The following ISY1 variants were observed in gnomAD, a reference collection of about 807,000 sequenced individuals.
ISY1 encodes the protein pre-mRNA-splicing factor ISY1 homolog.
A neutral mutation model predicts 54.4 loss-of-function variants in ISY1; 12 were observed. The ratio of observed to expected loss-of-function variants is 0.22; its 90% confidence interval spans 0.14 to 0.36. The LOEUF (loss-of-function observed/expected upper bound fraction) is 0.36. Ranked by LOEUF, ISY1 falls within the 10% of genes least tolerant of loss-of-function variation. ISY1 has a pLI of 1.00. For missense variants in ISY1, 282 were observed against 342.2 expected, an observed-to-expected ratio of 0.82 and a Z score of 1.39; for synonymous variants, 96 against 117.9, an observed-to-expected ratio of 0.81 and a Z score of 1.20.
At chr3:129,141,206 T>A (rs1936598894) in intron 6 of ISY1, among the ~76,000 whole-genome samples, 1 of 146,344 alleles carries the variant, frequency 6.8e-6, no homozygotes, top group Non-Finnish European at 1.5e-5. Flanking sequence ...AATAAATAAA[T>A]AAATAAATAA....
At chr3:129,133,258 T>C (rs1052842623) in intron 9 of ISY1, among the ~76,000 whole-genome samples, 2 of 152,226 alleles carry the variant, frequency 1.3e-5, no homozygotes, top group African/African-American at 4.8e-5. Flanking sequence ...ATAACTAAGA[T>C]ATATAATGAG....
chr3:129,152,359 A>C (rs1464823316), intron 5 of ISY1, among the ~76,000 whole-genome samples: 1 of 152,192 alleles, frequency 6.6e-6, no homozygotes, highest in Non-Finnish European at 1.5e-5. Context: ...TTTCCAGAAT[A>C]AATCCTCCTT....
intron 6 of ISY1, among the ~76,000 whole-genome samples, chr3:129,142,753 T>C (rs1343953645): frequency 6.6e-6 from 1 of 151,542 alleles, no homozygotes; most frequent in Non-Finnish European, 1.5e-5. Flanking sequence ...CTACAAAAAA[T>C]TTAAAAATTA....
At chr3:129,151,200 T>C (rs1341051157) in intron 5 of ISY1, among the ~76,000 whole-genome samples, 1 of 148,178 alleles carries the variant, frequency 6.7e-6, no homozygotes, top group East Asian at 1.9e-4. Context: ...AAAATATATA[T>C]ATGAATATAT....
chr3:129,131,125 T>G (rs940523547), intron 9 of ISY1, among the ~76,000 whole-genome samples: 1 of 152,210 alleles, frequency 6.6e-6, no homozygotes, highest in Non-Finnish European at 1.5e-5. Context: ...GTCCACTGTT[T>G]GCTGGGCTCT....
chr3:129,159,207 C>T (rs752405441), intron 1 of ISY1, 31 bp from the exon 2 acceptor site: 6 of 1,592,242 alleles, frequency 3.8e-6, no homozygotes, highest in African/African-American at 2.7e-5. Flanking sequence ...AGAAAAATGT[C>T]CATGTTTAAA....
At chr3:129,153,086 T>C (rs367696824) in intron 5 of ISY1, among the ~76,000 whole-genome samples, 5 of 151,006 alleles carry the variant, frequency 3.3e-5, no homozygotes, top group African/African-American at 9.7e-5. Context: ...CTTGGCTCAC[T>C]GCAACCTCTG....
intron 5 of ISY1, among the ~76,000 whole-genome samples, chr3:129,152,580 A>G (rs985601566): frequency 3.3e-5 from 5 of 151,308 alleles, no homozygotes; most frequent in African/African-American, 1.2e-4. Context: ...ATTTTTTTGT[A>G]TTTTTAGTAG....
intron 1 of ISY1, among the ~76,000 whole-genome samples, chr3:129,160,183 C>A (rs1391858201): frequency 6.6e-6 from 1 of 152,146 alleles, no homozygotes; most frequent in Non-Finnish European, 1.5e-5. Context: ...ACTGGTTTCT[C>A]TCTTTTTCTT....
chr3:129,159,040 G>A, intron 2 of ISY1, 114 bp downstream of exon 2: 1 of 1,360,070 alleles, frequency 7.4e-7, no homozygotes, highest in Non-Finnish European at 1.0e-6. Context: ...CATATGTAAA[G>A]AAAGAAACAG....
At chr3:129,133,867 T>C (rs1351050227) in intron 9 of ISY1, among the ~76,000 whole-genome samples, 5 of 152,172 alleles carry the variant, frequency 3.3e-5, no homozygotes, top group African/African-American at 4.8e-5. Flanking sequence ...GAAGCCCTGG[T>C]GTAAAGCACG....
chr3:129,134,330 G>A (rs1045797674), intron 8 of ISY1, 135 bp from the exon 9 acceptor site: 93 of 1,490,618 alleles, frequency 6.2e-5, no homozygotes, highest in African/African-American at 1.8e-4. Flanking sequence ...TTCTGCCCCC[G>A]TGGGTGGAAA....
At chr3:129,147,193 T>C (rs1050528341) in intron 5 of ISY1, among the ~76,000 whole-genome samples, 6 of 151,640 alleles carry the variant, frequency 4.0e-5, no homozygotes, top group African/African-American at 1.5e-4. Context: ...TTGGCCAACA[T>C]GGGGGAGTCC....
intron 6 of ISY1, among the ~76,000 whole-genome samples, chr3:129,142,661 G>C (rs1233028682): frequency 2.0e-5 from 3 of 152,034 alleles, no homozygotes; most frequent in African/African-American, 7.2e-5. Context: ...TGTAATCCCA[G>C]TACTTTGGGA....
intron 9 of ISY1, among the ~76,000 whole-genome samples, chr3:129,132,029 T>C (rs539796977): frequency 6.6e-6 from 1 of 152,150 alleles, no homozygotes; most frequent in South Asian, 2.1e-4. Context: ...CAGGGCCTCA[T>C]TGTGTTGCCA....
In ISY1 at chr3:129,134,689, A is replaced by G. The variant is rs151218637; in HGVS notation, c.541+143T>C. On this transcript the variant is annotated intron_variant, in intron 8 of 10. Coordinates refer to ENST00000393295, the MANE Select transcript of ISY1 (RefSeq NM_020701.4). Reference sequence around the variant, plus strand: ...TTGACTGCCTCACAGGGGTCAGGGAATTAGCAGACCATCACGCCTGAAGAT... The same window carrying G: ...TTGACTGCCTCACAGGGGTCAGGGAGTTAGCAGACCATCACGCCTGAAGAT... The G allele has an allele frequency of 2.0e-5, 24 of 1,198,420 alleles. No homozygotes were observed. In the East Asian group the frequency reaches 8.3e-4, roughly 41 times the overall value. 74.2% of individuals were successfully genotyped at this position (1,198,420 alleles called of 1,614,324 possible).
At chr3:129,135,134 G>C (rs561389592) in intron 7 of ISY1, among the ~76,000 whole-genome samples, 180 bp from the exon 8 acceptor site, 1 of 152,292 alleles carries the variant, frequency 6.6e-6, no homozygotes, top group African/African-American at 2.4e-5. Context: ...GGCTCACAAG[G>C]TCAGGAGTTC....
chr3:129,134,023 C>G, intron 9 of ISY1, 51 bp downstream of exon 9: 5 of 1,609,308 alleles, frequency 3.1e-6, no homozygotes, highest in Non-Finnish European at 4.2e-6. Context: ...TGCCACACTT[C>G]ATGGCTTGGA....
Position 129,132,935 on chromosome 3 carries a change from C to T in ISY1, c.663+1139G>A, listed in dbSNP as rs575986237. 3.3e-5 allele frequency among the ~76,000 whole-genome samples: 5 copies of T among 152,210 alleles called. No individual in the cohort carries two copies. The South Asian group carries it at 1.0e-3, about 32-fold the overall frequency. On this transcript the variant is annotated intron_variant, in intron 9 of 10. Transcript: ENST00000393295. ...TAAGTCACTAAACCTGAGCCTGCTT[C>T]TTCACCAGTGATGTCTCAGCAAGCT...
Sources: gnomAD v4.1 joint callset for allele counts (sites outside exome capture counted in the v4.1 genomes callset) on GRCh38, gnomAD v4.1.1 for gene constraint, MANE v1.5 for transcripts, NCBI Gene and HGNC (gene_info 2026-07-23, HGNC 2026-07-21) for gene names.